DCAF6: variants seen among roughly 807,000 people sequenced by gnomAD.
The protein encoded by DCAF6 is DDB1 and CUL4 associated factor 6.
In DCAF6, 54 loss-of-function variants were observed where a neutral mutation model predicts 125.1. That is an observed-to-expected ratio of 0.43 (90% confidence interval 0.35 to 0.54). The LOEUF (loss-of-function observed/expected upper bound fraction) is 0.54. Ranked by LOEUF, DCAF6 falls within the 20% of genes least tolerant of loss-of-function variation. The pLI is 0.01. For missense variants in DCAF6, 934 were observed against 1,161.7 expected (o/e 0.80, Z 2.85); for synonymous variants, 371 against 390.4 (o/e 0.95, Z 0.58).
chr1:168,025,829 C>A (rs1049844574), intron 12 of DCAF6, among the ~76,000 whole-genome samples: 1 of 152,166 alleles, frequency 6.6e-6, no homozygotes, highest in African/African-American at 2.4e-5. Context: ...ATTTTAATTA[C>A]TTCCCATAGC....
intron 2 of DCAF6, among the ~76,000 whole-genome samples, chr1:167,954,906 T>TGCC (rs1242670135): frequency 6.6e-6 from 1 of 152,234 alleles, no homozygotes; most frequent in Non-Finnish European, 1.5e-5. Context: ...TTTGCCCATG[T>TGCC]GCCCTCTCAT....
the DCAF6 span, chr1:167,880,558 C>T: frequency 1.9e-6 from 3 of 1,613,954 alleles, no homozygotes; most frequent in East Asian, 2.2e-5. Context: ...TGAGTGAGCT[C>T]GTCAGGTACC....
intron 4 of DCAF6, among the ~76,000 whole-genome samples, chr1:167,980,502 G>A (rs1315490557): frequency 1.3e-5 from 2 of 152,080 alleles, no homozygotes; most frequent in Non-Finnish European, 2.9e-5. Flanking sequence ...TTTTTAGTGG[G>A]CATTCCAGTG....
the DCAF6 span, among the ~76,000 whole-genome samples, chr1:167,925,709 G>A: frequency 6.6e-6 from 1 of 151,124 alleles, no homozygotes; most frequent in East Asian, 1.9e-4. Flanking sequence ...ACCACACCCG[G>A]CTAATTTTTT....
intron 19 of DCAF6, 76 bp from the exon 20 acceptor site, chr1:168,066,301 C>A: frequency 1.2e-6 from 1 of 858,522 alleles, no homozygotes; most frequent in Non-Finnish European, 1.8e-6. Context: ...GCTATATATA[C>A]ATATATGCAT....
chr1:167,979,964 C>T (rs1037839923), intron 4 of DCAF6, among the ~76,000 whole-genome samples: 1 of 151,988 alleles, frequency 6.6e-6, no homozygotes, highest in Middle Eastern at 3.2e-3. Context: ...GGGCGGATCA[C>T]GAGGTCAAGA....
the DCAF6 span, among the ~76,000 whole-genome samples, chr1:167,882,484 CA>C: frequency 0.15 from 10,639 of 71,046 alleles, 380 homozygotes; most frequent in African/African-American, 0.23. Flanking sequence ...GATTCCGTCT[CA>C]AAAAAAAAAA....
At chr1:167,950,451 T>C (rs1160944475) in intron 1 of DCAF6, among the ~76,000 whole-genome samples, 1 of 152,204 alleles carries the variant, frequency 6.6e-6, no homozygotes, top group Non-Finnish European at 1.5e-5. Context: ...TTAGAAACCA[T>C]AGAGCATCTC....
At chr1:168,021,291 G>A (rs958843199) in intron 11 of DCAF6, among the ~76,000 whole-genome samples, 3 of 152,036 alleles carry the variant, frequency 2.0e-5, no homozygotes, top group African/African-American at 4.8e-5. Context: ...TTAAATGAGG[G>A]CATAATGAAA....
chr1:167,967,167 T>C (rs997418194), intron 3 of DCAF6, among the ~76,000 whole-genome samples: 4 of 152,280 alleles, frequency 2.6e-5, no homozygotes, highest in Admixed American at 6.5e-5. Flanking sequence ...TTCTTAAAAA[T>C]TTGAAATTTA....
chr1:168,046,878 G>A (rs1281688186), intron 16 of DCAF6, among the ~76,000 whole-genome samples: 3 of 152,052 alleles, frequency 2.0e-5, no homozygotes, highest in African/African-American at 7.2e-5. Context: ...CATTTAAGTA[G>A]TAGAACATGA....
At chr1:167,939,762 C>CATAAATAA (rs144622238) in intron 1 of DCAF6, among the ~76,000 whole-genome samples, 2,168 of 151,418 alleles carry the variant, frequency 0.014, 52 homozygotes, top group African/African-American at 0.047. Context: ...AACTCTGCGT[C>CATAAATAA]ATAAATAAAT....
intron 21 of DCAF6, among the ~76,000 whole-genome samples, chr1:168,071,719 A>G (rs1693061138): frequency 6.6e-6 from 1 of 151,756 alleles, no homozygotes; most frequent in African/African-American, 2.4e-5. Flanking sequence ...ATTAGATACC[A>G]CCCCCTCTTA....
intron 17 of DCAF6, among the ~76,000 whole-genome samples, chr1:168,058,676 C>G (rs967261428): frequency 1.3e-5 from 2 of 152,322 alleles, no homozygotes; most frequent in Admixed American, 1.3e-4. Context: ...TCAAGTGATT[C>G]TCCTGCCTTA....
At chr1:167,925,758 AGGCTG>A in the DCAF6 span, among the ~76,000 whole-genome samples, 5 of 151,786 alleles carry the variant, frequency 3.3e-5, no homozygotes, top group Admixed American at 2.0e-4. Context: ...CATGTTGGCC[AGGCTG>A]GTCTCAAACT....
chr1:167,920,185 G>T, the DCAF6 span: 2 of 771,190 alleles, frequency 2.6e-6, 1 homozygote, highest in South Asian at 3.9e-5. Context: ...CAACAATAAT[G>T]TAGGATGAGG....
At chr1:167,928,757 A>G in the DCAF6 span, among the ~76,000 whole-genome samples, 2 of 152,344 alleles carry the variant, frequency 1.3e-5, no homozygotes, top group South Asian at 4.1e-4. Context: ...AGTGATTATA[A>G]TACCTTAATA....
upstream of DCAF6, among the ~76,000 whole-genome samples, chr1:167,932,227 A>G (rs1347158101): frequency 6.6e-6 from 1 of 152,146 alleles, no homozygotes; most frequent in Non-Finnish European, 1.5e-5. Context: ...CCTATCAGTA[A>G]AAAACAATTT....
At chr1:168,055,961 T>C (rs553009179) in intron 17 of DCAF6, 2 of 1,598,974 alleles carry the variant, frequency 1.3e-6, no homozygotes, top group Non-Finnish European at 1.7e-6. Flanking sequence ...GTTCATCTAG[T>C]TCTGAAGGGT....
Sources: gnomAD v4.1 joint callset for allele counts (sites outside exome capture counted in the v4.1 genomes callset) on GRCh38, gnomAD v4.1.1 for gene constraint, MANE v1.5 for transcripts, NCBI Gene and HGNC (gene_info 2026-07-23, HGNC 2026-07-21) for gene names.